Variants in FAM53A observed in about 807,000 individuals in gnomAD.
FAM53A encodes the protein protein FAM53A.
Under a neutral mutation model 26.6 loss-of-function variants are expected in FAM53A, and 28 were observed. The ratio of observed to expected loss-of-function variants is 1.05; its 90% confidence interval spans 0.78 to 1.45. The LOEUF (loss-of-function observed/expected upper bound fraction) is 1.45, where lower values mean the gene tolerates loss of function less well. Among genes scored for constraint, FAM53A ranks in the 40% most tolerant of loss-of-function variants. The pLI is 0.00. For synonymous variants in FAM53A, 290 were observed against 253.1 expected, an observed-to-expected ratio of 1.15 and a Z score of -1.38; for missense variants, 650 against 575.8, an observed-to-expected ratio of 1.13 and a Z score of -1.32.
At chr4:1,669,114 A>C (rs185863099) in intron 1 of FAM53A, among the ~76,000 whole-genome samples, 1 of 151,976 alleles carries the variant, frequency 6.6e-6, no homozygotes, top group Non-Finnish European at 1.5e-5. Flanking sequence ...CACACATTAG[A>C]CCCACCCGCC....
At chr4:1,637,792 C>A (rs1037528006), downstream of FAM53A, among the ~76,000 whole-genome samples, 1 of 152,134 alleles carries the variant, frequency 6.6e-6, no homozygotes, top group Non-Finnish European at 1.5e-5. Flanking sequence ...CCAGGCACAA[C>A]CCCGGCCCTC....
chr4:1,665,548 T>G (rs186789075), intron 2 of FAM53A, among the ~76,000 whole-genome samples: 1 of 152,160 alleles, frequency 6.6e-6, no homozygotes, highest in East Asian at 1.9e-4. Context: ...TCCTCCTTTT[T>G]CAGATAGAAA....
intron 1 of FAM53A, among the ~76,000 whole-genome samples, chr4:1,626,327 C>T (rs1715302095): frequency 6.6e-6 from 1 of 152,234 alleles, no homozygotes; most frequent in African/African-American, 2.4e-5. Context: ...TTTCCTTCCA[C>T]AGCATCTCAC....
intron 1 of FAM53A, among the ~76,000 whole-genome samples, chr4:1,680,778 G>C (rs1379451904): frequency 6.6e-6 from 1 of 150,786 alleles, no homozygotes; most frequent in Non-Finnish European, 1.5e-5. Context: ...TAACTGTGGA[G>C]ACTATTTAAA....
chr4:1,646,605 C>T (rs1421620791), intron 4 of FAM53A, among the ~76,000 whole-genome samples: 7 of 152,130 alleles, frequency 4.6e-5, no homozygotes, highest in Middle Eastern at 3.2e-3. Context: ...ACAAGCCTTG[C>T]GCTCTCGTGA....
intron 4 of FAM53A, among the ~76,000 whole-genome samples, chr4:1,649,158 A>AGGGAAAGGGAAG: frequency 1.2e-5 from 1 of 81,918 alleles, no homozygotes; most frequent in Non-Finnish European, 2.5e-5. Flanking sequence ...GGAAGGGGAA[A>AGGGAAAGGGAAG]GGGAAGGGGA....
At chr4:1,653,612 G>A (rs1713068819) in intron 4 of FAM53A, among the ~76,000 whole-genome samples, 1 of 152,192 alleles carries the variant, frequency 6.6e-6, no homozygotes, top group Non-Finnish European at 1.5e-5. Context: ...GCTTCCCCAG[G>A]TCAGCCCATC....
chr4:1,684,417 A>C (rs1045307417), upstream of FAM53A: 3 of 146,536 alleles, frequency 2.0e-5, no homozygotes, highest in Admixed American at 2.0e-4. Context: ...CGCCTTCTCC[A>C]CGCCGGCCCT....
At chr4:1,646,624 G>C (rs1355882103) in intron 4 of FAM53A, among the ~76,000 whole-genome samples, 1 of 152,140 alleles carries the variant, frequency 6.6e-6, no homozygotes, top group Non-Finnish European at 1.5e-5. Context: ...GACTGAGGCC[G>C]CGGAAGGCAC....
At position 1,641,534 on chromosome 4, in the gene FAM53A, G is replaced by C. The variant is rs377227530; in HGVS notation, c.956C>G (p.Thr319Arg). The C allele has an allele frequency of 6.2e-7, 1 of 1,614,108 alleles. No homozygotes were observed. Among genetic ancestry groups the C allele is most frequent in the Non-Finnish European group, 8.5e-7 (1 of 1,180,036 alleles). Residue 319 changes from threonine to arginine, a missense_variant, in exon 5 of 5, where the codon ACG becomes AGG. Physicochemically the swap from Thr to Arg is moderately conservative, Grantham distance 71. Transcript: ENST00000308132. ...DDDEDDTPVK[T>R]VLSSPCDSRG... is the part of the protein sequence containing the mutation. ...GGAGTCACATGGGGAGGACAGAACCGTCTTCACTGGGGTGTCATCCTCATC... is the reference window on the plus strand; with the variant it reads ...GGAGTCACATGGGGAGGACAGAACCCTCTTCACTGGGGTGTCATCCTCATC...
chr4:1,597,923 G>C, the FAM53A span, among the ~76,000 whole-genome samples: 1 of 152,242 alleles, frequency 6.6e-6, no homozygotes, highest in Admixed American at 6.5e-5. Flanking sequence ...TCGAACCTGA[G>C]AAGCAGAGGT....
chr4:1,601,170 A>C, the FAM53A span, among the ~76,000 whole-genome samples: 33,293 of 151,820 alleles, frequency 0.22, 4,095 homozygotes, highest in East Asian at 0.45. Flanking sequence ...CCCCCACCTC[A>C]TCCCAGGCTG....
chr4:1,583,438 C>G, the FAM53A span, among the ~76,000 whole-genome samples: 3 of 152,218 alleles, frequency 2.0e-5, no homozygotes, highest in African/African-American at 7.2e-5. Context: ...GGGAACGAGC[C>G]ATTCACTGGC....
chr4:1,661,811 T>A (rs774489005), intron 2 of FAM53A, among the ~76,000 whole-genome samples: 4 of 151,852 alleles, frequency 2.6e-5, no homozygotes, highest in Non-Finnish European at 5.9e-5. Context: ...ACCCTAAAAA[T>A]CACGTCATGA....
the FAM53A span, among the ~76,000 whole-genome samples, chr4:1,577,371 G>A: frequency 9.8e-5 from 15 of 152,300 alleles, no homozygotes; most frequent in Non-Finnish European, 1.8e-4. Flanking sequence ...ATGGCCATGC[G>A]GACCCCGCCA....
intron 4 of FAM53A, among the ~76,000 whole-genome samples, chr4:1,642,521 A>G (rs1245718637): frequency 1.3e-5 from 2 of 151,850 alleles, no homozygotes; most frequent in African/African-American, 4.8e-5. Context: ...CCCCAACCAG[A>G]GCACTCTGAG....
chr4:1,598,275 G>A, the FAM53A span, among the ~76,000 whole-genome samples: 37 of 152,234 alleles, frequency 2.4e-4, no homozygotes, highest in African/African-American at 8.0e-4. Flanking sequence ...GCTCTGATCC[G>A]AGGCCTGCAG....
At chr4:1,619,030 G>A (rs1478075867) in intron 1 of FAM53A, among the ~76,000 whole-genome samples, 1 of 152,198 alleles carries the variant, frequency 6.6e-6, no homozygotes. Context: ...AGCGTCCACA[G>A]GTGAGAGCTG....
chr4:1,585,634 T>C, the FAM53A span, among the ~76,000 whole-genome samples: 15 of 152,166 alleles, frequency 9.9e-5, no homozygotes, highest in Non-Finnish European at 1.9e-4. Flanking sequence ...AGTCCACACA[T>C]GAGTGGATCA....
Sources: gnomAD v4.1 joint callset for allele counts (sites outside exome capture counted in the v4.1 genomes callset) on GRCh38, gnomAD v4.1.1 for gene constraint, MANE v1.5 for transcripts, NCBI Gene and HGNC (gene_info 2026-07-23, HGNC 2026-07-21) for gene names.